The following SETD7 variants were observed in gnomAD, a reference collection of about 807,000 sequenced individuals.
SETD7 encodes the protein histone-lysine N-methyltransferase SETD7.
In SETD7, 16 loss-of-function variants were observed where a neutral mutation model predicts 41.8. The ratio of observed to expected loss-of-function variants is 0.38; its 90% CI spans 0.26 to 0.58. The LOEUF (loss-of-function observed/expected upper bound fraction) is 0.58. SETD7 is among the 20% of genes least tolerant of loss of function. The pLI is 0.64. For synonymous variants in SETD7, 163 were observed against 169.7 expected (o/e 0.96, Z 0.31); for missense variants, 346 against 459.7 (o/e 0.75, Z 2.26).
chr4:139,525,309 G>T (rs1727295347), intron 4 of SETD7, among the ~76,000 whole-genome samples: 1 of 152,172 alleles, frequency 6.6e-6, no homozygotes, highest in African/African-American at 2.4e-5. Flanking sequence ...TTCAGGGAGT[G>T]CACACTATCT....
In SETD7 at chr4:139,496,074, C is replaced by G. The variant is rs1003816232; in HGVS notation, c.*279G>C. 5 of 266,928 alleles carry G rather than the reference C, an allele frequency of 1.9e-5. No homozygotes were observed. The East Asian group carries it at 4.3e-4, about 23-fold the overall frequency. 16.5% of individuals were successfully genotyped at this position (266,928 alleles called of 1,614,324 possible). ...CAGTCTGGTTTTATCTACACCCACA[C>G]TTCACTTCCCTTATCTCCCATATTA... is the stretch of plus-strand genomic sequence containing the variant. On this transcript the variant is annotated 3_prime_UTR_variant, in exon 8 of 8. Transcript: ENST00000506866.
intron 2 of SETD7, among the ~76,000 whole-genome samples, chr4:139,533,971 A>G (rs1727564759): frequency 6.6e-6 from 1 of 151,864 alleles, no homozygotes; most frequent in African/African-American, 2.4e-5. Flanking sequence ...ATATCTATGT[A>G]TGTATGTATG....
At chr4:139,493,751 G>C (rs1726400121), downstream of SETD7, among the ~76,000 whole-genome samples, 1 of 152,076 alleles carries the variant, frequency 6.6e-6, no homozygotes, top group Non-Finnish European at 1.5e-5. Context: ...TGTTTCCCAG[G>C]CTGGTCTCGA....
downstream of SETD7, among the ~76,000 whole-genome samples, chr4:139,494,701 A>G (rs976829507): frequency 1.3e-5 from 2 of 152,258 alleles, no homozygotes; most frequent in African/African-American, 4.8e-5. Context: ...TCTCATACAT[A>G]AATTGATACT....
chr4:139,521,056 T>C (rs1224869388), intron 5 of SETD7, among the ~76,000 whole-genome samples: 1 of 152,230 alleles, frequency 6.6e-6, no homozygotes, highest in Non-Finnish European at 1.5e-5. Context: ...TTGCAACAGA[T>C]ATTATATGGC....
downstream of SETD7, among the ~76,000 whole-genome samples, chr4:139,505,609 AT>A (rs544331610): frequency 1.8e-3 from 275 of 152,104 alleles, no homozygotes; most frequent in Admixed American, 3.1e-3. Flanking sequence ...AAAAACGGAA[AT>A]GTTGACTGTG....
chr4:139,517,755 A>G, intron 7 of SETD7, 130 bp downstream of exon 7: 1 of 941,144 alleles, frequency 1.1e-6, no homozygotes, highest in Non-Finnish European at 1.5e-6. Flanking sequence ...CCTGAGGCCG[A>G]TAGCAGAGGA....
At chr4:139,497,582 T>C (rs1726486038) in intron 7 of SETD7, among the ~76,000 whole-genome samples, 1 of 150,050 alleles carries the variant, frequency 6.7e-6, no homozygotes, top group African/African-American at 2.5e-5. Flanking sequence ...GTTTTTTTTG[T>C]TTTTTTGTTT....
At chr4:139,528,283 T>C (rs1384791782) in intron 4 of SETD7, among the ~76,000 whole-genome samples, 2 of 152,246 alleles carry the variant, frequency 1.3e-5, no homozygotes, top group Non-Finnish European at 2.9e-5. Context: ...CACTCATACA[T>C]TGTGCTCCAC....
rs1303352954 is a variant in SETD7, at chr4:139,555,951, G to T, written c.40+147C>A. On this transcript the variant is annotated intron_variant, in intron 1 of 7. Coordinates refer to ENST00000274031, the MANE Select transcript of SETD7 (RefSeq NM_030648.4). This position sits in a 1 kb window ranked among gnomAD's most constrained non-coding sequence, Gnocchi z 4.0. The stretch of plus-strand genomic sequence containing the variant: ...CCGGCGGCGTGACCGTGGCTGTCGG[G>T]CCCCCGCCCGAGCCGGGCAACCGGC... 7.8e-6 allele frequency: 5 copies of T among 643,100 alleles called. No individual in the cohort carries two copies. Among genetic ancestry groups the T allele is most frequent in the African/African-American group, 5.8e-5 (3 of 52,066 alleles). The allele number at this position is 643,100 out of a possible 1,614,324, so 39.8% of individuals were successfully genotyped here.
downstream of SETD7, among the ~76,000 whole-genome samples, chr4:139,495,532 G>C (rs1560668302): frequency 6.6e-6 from 1 of 152,224 alleles, no homozygotes; most frequent in Non-Finnish European, 1.5e-5. Flanking sequence ...AAAAGGCAAA[G>C]AGGAAGCAGG....
At chr4:139,531,253 C>T (rs1210596117) in intron 3 of SETD7, among the ~76,000 whole-genome samples, 1 of 152,172 alleles carries the variant, frequency 6.6e-6, no homozygotes, top group Non-Finnish European at 1.5e-5. Flanking sequence ...TGTTGAGCGA[C>T]GCCAATCCAT....
rs1262078216 is a variant in SETD7, at chr4:139,555,416, G to C, written c.40+682C>G. Among the ~76,000 whole-genome samples, 1 of 152,052 alleles carries C rather than the reference G, an allele frequency of 6.6e-6. No individual in the cohort carries two copies. Among genetic ancestry groups the C allele is most frequent in the African/African-American group, 2.4e-5 (1 of 41,422 alleles). On this transcript the variant is annotated intron_variant, in intron 1 of 7. Transcript: ENST00000274031. The surrounding 1 kb of genome is among the most constrained non-coding windows in gnomAD (Gnocchi z 4.0). ...TCCCAGCCAAGCAGGAAGGGGGAGG[G>C]GGAGGCCTGACTGAGTTCGCTCGGG...
intron 7 of SETD7, 104 bp from the exon 8 acceptor site, chr4:139,511,947 T>C: frequency 6.8e-7 from 1 of 1,479,354 alleles, no homozygotes; most frequent in Non-Finnish European, 8.9e-7. Context: ...CACTCTTCCC[T>C]GGGCACACCT....
intron 2 of SETD7, among the ~76,000 whole-genome samples, chr4:139,533,891 G>A (rs1727561460): frequency 6.6e-6 from 1 of 152,082 alleles, no homozygotes; most frequent in Non-Finnish European, 1.5e-5. Flanking sequence ...AGCCGTAATT[G>A]GTATCCAGTC....
chr4:139,523,289 T>A, intron 5 of SETD7, 65 bp downstream of exon 5: 4 of 1,236,232 alleles, frequency 3.2e-6, no homozygotes, highest in Non-Finnish European at 4.7e-6. Context: ...GTGCATAAGT[T>A]CCTACCACTA....
rs1196905241 is a variant in SETD7 at position 139,555,622 on chromosome 4, C to T, written c.40+476G>A. The stretch of plus-strand genomic sequence containing the variant: ...GCCGGGGGACCTACCCGGACGGGGC[C>T]GCGGCCGCCGCGGGGCGCAGAGGCA... On this transcript the variant is annotated intron_variant, in intron 1 of 7. Coordinates refer to ENST00000274031, the MANE Select transcript of SETD7 (RefSeq NM_030648.4). This position sits in a 1 kb window ranked among gnomAD's most constrained non-coding sequence, Gnocchi z 4.0. Among the ~76,000 whole-genome samples the T allele has an allele frequency of 2.6e-5, 4 of 151,932 alleles. No homozygotes were observed. Among genetic ancestry groups the T allele is most frequent in the Non-Finnish European group, 5.9e-5 (4 of 67,944 alleles).
At chr4:139,525,699 A>G (rs1054410135) in intron 4 of SETD7, among the ~76,000 whole-genome samples, 2 of 152,160 alleles carry the variant, frequency 1.3e-5, no homozygotes, top group Non-Finnish European at 2.9e-5. Context: ...TTTATGTGAG[A>G]TATTTGCATT....
intron 6 of SETD7, among the ~76,000 whole-genome samples, chr4:139,519,212 C>A (rs1424782466): frequency 6.6e-6 from 1 of 152,216 alleles, no homozygotes; most frequent in East Asian, 1.9e-4. Context: ...ATCTCCCCAA[C>A]AGAATCTAAA....
Sources: gnomAD v4.1 joint callset for allele counts (sites outside exome capture counted in the v4.1 genomes callset) on GRCh38, gnomAD v4.1.1 for gene constraint, Gnocchi (gnomAD v3.1) non-coding constraint, MANE v1.5 for transcripts, NCBI Gene and HGNC (gene_info 2026-07-23, HGNC 2026-07-21) for gene names.